Variants in MTSS1 observed in about 807,000 individuals in gnomAD.
MTSS1 encodes protein MTSS 1.
In MTSS1, 18 loss-of-function variants were observed where a neutral mutation model predicts 79.0. The ratio of observed to expected loss-of-function variants is 0.23; its 90% CI spans 0.16 to 0.34. The LOEUF is 0.34. MTSS1 is among the 10% of genes least tolerant of loss of function. The probability of loss-of-function intolerance (pLI) is 1.00; values close to 1 mark genes in which losing one functional copy is unlikely to be tolerated. For missense variants in MTSS1, 815 were observed against 986.2 expected (o/e 0.83, Z 2.33); for synonymous variants, 341 against 368.6 (o/e 0.93, Z 0.86).
At chr8:124,635,311 TAA>T (rs2133886558) in intron 3 of MTSS1, among the ~76,000 whole-genome samples, 1 of 152,334 alleles carries the variant, frequency 6.6e-6, no homozygotes, top group South Asian at 2.1e-4. Context: ...CCTTAGAGAA[TAA>T]ACTCTTAAAG....
At chr8:124,692,590 C>T (rs951970054) in intron 3 of MTSS1, among the ~76,000 whole-genome samples, 1 of 152,174 alleles carries the variant, frequency 6.6e-6, no homozygotes, top group African/African-American at 2.4e-5. Flanking sequence ...GCACCTTCTC[C>T]CCTCAGAGGA....
At chr8:124,676,431 T>C (rs544463358) in intron 3 of MTSS1, among the ~76,000 whole-genome samples, 1 of 152,324 alleles carries the variant, frequency 6.6e-6, no homozygotes, top group South Asian at 2.1e-4. Flanking sequence ...GAGCCATTTT[T>C]ATCAAGTCAA....
At chr8:124,652,136 G>A (rs1013197900) in intron 3 of MTSS1, among the ~76,000 whole-genome samples, 3 of 152,162 alleles carry the variant, frequency 2.0e-5, no homozygotes, top group African/African-American at 7.2e-5. Context: ...ATGGGACTCG[G>A]TAAACATTTA....
intron 3 of MTSS1, among the ~76,000 whole-genome samples, chr8:124,686,184 G>A (rs1826944606): frequency 6.6e-6 from 1 of 152,204 alleles, no homozygotes; most frequent in Admixed American, 6.5e-5. Flanking sequence ...ACACAGCTGT[G>A]AGCAGGCAGA....
intron 3 of MTSS1, among the ~76,000 whole-genome samples, chr8:124,689,950 G>A (rs1434216178): frequency 1.3e-5 from 2 of 152,090 alleles, no homozygotes; most frequent in Non-Finnish European, 2.9e-5. Context: ...GGAAAGAGGT[G>A]GGGGAGGAGA....
chr8:124,718,623 GGA>G (rs1458795477), intron 1 of MTSS1, among the ~76,000 whole-genome samples: 1 of 152,192 alleles, frequency 6.6e-6, no homozygotes, highest in Non-Finnish European at 1.5e-5. Context: ...CTCGGCTGCA[GGA>G]GAGGAGTCCG....
Position 124,679,359 on chromosome 8 carries a change from G to T in MTSS1, c.208+20167C>A, listed in dbSNP as rs534244880. ...TCACCCTCCAATGCTCGTGGTCTAG[G>T]CAGTGGTATCTAATTCTGGCTATAC... On this transcript the variant is annotated intron_variant, in intron 3 of 13. Coordinates refer to ENST00000518547, the MANE Select transcript of MTSS1 (RefSeq NM_014751.6). Among the ~76,000 whole-genome samples, 18 of 152,330 alleles carry T rather than the reference G, an allele frequency of 1.2e-4. No individual in the cohort carries two copies. The South Asian group carries it at 3.3e-3, about 28-fold the overall frequency.
chr8:124,639,676 C>T (rs1425823155), intron 3 of MTSS1, among the ~76,000 whole-genome samples: 1 of 152,102 alleles, frequency 6.6e-6, no homozygotes, highest in South Asian at 2.1e-4. Context: ...GTTGCCCAGG[C>T]TGGTTTTGAA....
At chr8:124,630,665 T>C (rs1269215035) in intron 3 of MTSS1, among the ~76,000 whole-genome samples, 2 of 152,236 alleles carry the variant, frequency 1.3e-5, no homozygotes, top group East Asian at 3.8e-4. Context: ...CTATGTGACC[T>C]ACAATGAGCT....
chr8:124,702,577 T>C (rs1829854504), intron 2 of MTSS1, among the ~76,000 whole-genome samples: 1 of 152,288 alleles, frequency 6.6e-6, no homozygotes, highest in Non-Finnish European at 1.5e-5. Context: ...CCAAGTTCTT[T>C]AGTCTATAGG....
chr8:124,626,475 A>G (rs1420892165), intron 3 of MTSS1, among the ~76,000 whole-genome samples: 3 of 152,210 alleles, frequency 2.0e-5, no homozygotes, highest in Non-Finnish European at 4.4e-5. Context: ...ATGCTTCAAA[A>G]TAAAAATAAA....
chr8:124,683,567 C>T lies in MTSS1; in HGVS notation c.208+15959G>A, dbSNP rs1004728512. 2.6e-5 allele frequency among the ~76,000 whole-genome samples: 4 copies of T among 152,148 alleles called. No individual in the cohort carries two copies. The highest frequency in any genetic ancestry group is 2.4e-5 in the African/African-American group (1 of 41,434). ...TCAACTGGAGGCCAGAGGTGGGACA[C>T]GCCCTAGGAAGCATCCAGACAGACG... On this transcript the variant is annotated intron_variant, in intron 3 of 13. Transcript: ENST00000518547. This position sits in a 1 kb window ranked among gnomAD's most constrained non-coding sequence, Gnocchi z 4.5.
At chr8:124,655,316 C>G (rs910472382) in intron 3 of MTSS1, among the ~76,000 whole-genome samples, 5 of 152,256 alleles carry the variant, frequency 3.3e-5, no homozygotes, top group African/African-American at 1.2e-4. Flanking sequence ...TAGATGCTGA[C>G]TCTGTTGCAA....
At position 124,557,670 on chromosome 8, in the gene MTSS1, G is replaced by A. The variant is rs1300521471; in HGVS notation, c.1230+11C>T. ...AATGACGGGGAGAGGAGGAGGGGGA[G>A]AGACACAAACCTTCCAGCTAGGGAT... On this transcript the variant is annotated intron_variant, in intron 11 of 13. Transcript: ENST00000518547. 3 of 1,561,576 alleles carry A rather than the reference G, an allele frequency of 1.9e-6. No homozygotes were observed. The South Asian group carries it at 3.5e-5, about 18-fold the overall frequency.
intron 3 of MTSS1, among the ~76,000 whole-genome samples, chr8:124,636,745 G>A (rs980966520): frequency 1.3e-5 from 2 of 152,108 alleles, no homozygotes; most frequent in Non-Finnish European, 1.5e-5. Flanking sequence ...AGCACCCATC[G>A]CCATTGGAGA....
chr8:124,646,000 T>C (rs182503248), intron 3 of MTSS1, among the ~76,000 whole-genome samples: 33 of 152,330 alleles, frequency 2.2e-4, no homozygotes, highest in Admixed American at 7.8e-4. Context: ...ACTGTGAATG[T>C]CTATTTAGAA....
rs1327973964 is a variant in MTSS1, at chr8:124,641,045, G to GC, written c.209-49811dup. Among the ~76,000 whole-genome samples the GC allele has an allele frequency of 1.3e-4, 20 of 151,358 alleles. No individual in the cohort carries two copies. In the South Asian group the frequency reaches 2.9e-3, roughly 22 times the overall value. ...CTATTTTGGTTACATAATTACAAAAGCAAGTACATGTGGCAAAAAAAAAAA... is the reference window on the plus strand; with the variant it reads ...CTATTTTGGTTACATAATTACAAAAGCCAAGTACATGTGGCAAAAAAAAAAA... On this transcript the variant is annotated intron_variant, in intron 3 of 13. Transcript: ENST00000518547.
chr8:124,562,431 G>A (rs757529853), intron 10 of MTSS1, among the ~76,000 whole-genome samples: 1 of 152,194 alleles, frequency 6.6e-6, no homozygotes, highest in Non-Finnish European at 1.5e-5. Context: ...GGGAGGAGGT[G>A]TCCCCATTGT....
chr8:124,556,200 C>T (rs1427529186), intron 12 of MTSS1, 32 bp downstream of exon 12: 2 of 1,613,848 alleles, frequency 1.2e-6, no homozygotes, highest in East Asian at 2.2e-5. Flanking sequence ...GCTGAGGTGG[C>T]CCCAACCAGC....
Sources: allele counts gnomAD v4.1 joint callset (sites outside exome capture counted in the v4.1 genomes callset), GRCh38; gene constraint gnomAD v4.1.1; non-coding constraint Gnocchi (gnomAD v3.1); transcripts MANE v1.5; gene names NCBI Gene and HGNC (gene_info 2026-07-23, HGNC 2026-07-21).